Variants in CNTN5 observed in about 807,000 individuals in gnomAD.
CNTN5 encodes contactin-5.
Under a neutral mutation model 129.1 loss-of-function variants are expected in CNTN5, and 77 were observed. The ratio of observed to expected loss-of-function variants is 0.60; its 90% CI spans 0.50 to 0.72. The LOEUF is 0.72. CNTN5 is among the 30% of genes least tolerant of loss of function. The pLI is 0.00. For synonymous variants in CNTN5, 509 were observed against 465.6 expected (o/e 1.09, Z -1.20); for missense variants, 1,478 against 1,328.8 (o/e 1.11, Z -1.75).
At chr11:99,850,370 GC>G (rs1198203907) in intron 6 of CNTN5, among the ~76,000 whole-genome samples, 3 of 152,062 alleles carry the variant, frequency 2.0e-5, no homozygotes, top group Non-Finnish European at 2.9e-5. Flanking sequence ...CCTAGCTTTC[GC>G]AGAAAATGAT....
intron 3 of CNTN5, among the ~76,000 whole-genome samples, chr11:99,818,229 A>C (rs918914690): frequency 1.3e-5 from 2 of 151,908 alleles, no homozygotes; most frequent in African/African-American, 4.8e-5. Context: ...ATGATTATTA[A>C]GTTTAAAGGC....
intron 3 of CNTN5, among the ~76,000 whole-genome samples, chr11:99,733,167 T>C (rs1359304893): frequency 6.6e-6 from 1 of 151,070 alleles, no homozygotes; most frequent in Non-Finnish European, 1.5e-5. Flanking sequence ...CTACTAAGAA[T>C]ACAAAAAAAG....
chr11:99,303,339 G>A (rs994054311), intron 1 of CNTN5, among the ~76,000 whole-genome samples: 9 of 151,516 alleles, frequency 5.9e-5, no homozygotes, highest in African/African-American at 2.2e-4. Flanking sequence ...AACAGATAGT[G>A]TTACAATATA....
intron 9 of CNTN5, among the ~76,000 whole-genome samples, chr11:100,032,467 C>A (rs1001059898): frequency 6.6e-6 from 1 of 151,674 alleles, no homozygotes; most frequent in Non-Finnish European, 1.5e-5. Context: ...AAAGTGGTAT[C>A]TTCTTACATA....
rs192838781 is a variant in CNTN5, at chr11:99,119,488, G to A, written c.-210+98218G>A. On this transcript the variant is annotated intron_variant, in intron 1 of 24. Coordinates refer to ENST00000524871, the MANE Select transcript of CNTN5 (RefSeq NM_014361.4). ...CATGATCTCATTCTTGTTTGTAGCTGCATAGTATTCCATGATGTATATGTA... is the reference window on the plus strand; with the variant it reads ...CATGATCTCATTCTTGTTTGTAGCTACATAGTATTCCATGATGTATATGTA... 7.3e-4 allele frequency among the ~76,000 whole-genome samples: 111 copies of A among 152,158 alleles called. No individual in the cohort carries two copies. In the East Asian group the frequency reaches 0.015, roughly 21 times the overall value.
intron 1 of CNTN5, among the ~76,000 whole-genome samples, chr11:99,021,876 T>C (rs943851004): frequency 3.9e-5 from 6 of 152,182 alleles, no homozygotes; most frequent in Non-Finnish European, 8.8e-5. Flanking sequence ...ATCCTTACCA[T>C]GTTTTGTAGG....
At chr11:99,253,718 A>G (rs949523756) in intron 1 of CNTN5, among the ~76,000 whole-genome samples, 7 of 151,622 alleles carry the variant, frequency 4.6e-5, no homozygotes, top group Non-Finnish European at 7.4e-5. Flanking sequence ...AATTTTTATT[A>G]TACATATAAT....
At chr11:99,639,052 A>G (rs1312675020) in intron 3 of CNTN5, among the ~76,000 whole-genome samples, 2 of 152,176 alleles carry the variant, frequency 1.3e-5, no homozygotes, top group African/African-American at 4.8e-5. Flanking sequence ...TGTGCATCCA[A>G]GAGTTTCCAT....
intron 1 of CNTN5, among the ~76,000 whole-genome samples, chr11:99,110,753 T>A (rs1349523332): frequency 1.3e-5 from 2 of 152,134 alleles, no homozygotes; most frequent in Non-Finnish European, 2.9e-5. Context: ...CCATAAATGT[T>A]AATATCTCTA....
intron 2 of CNTN5, among the ~76,000 whole-genome samples, chr11:99,408,428 AAAAGAAAGAAAGAAAGAAAGAGAAAG>A (rs1456658877): frequency 0.022 from 2,041 of 93,518 alleles, 30 homozygotes; most frequent in Middle Eastern, 0.045. Flanking sequence ...GAAGGAAAGA[AAAAGAAAGAAAGAAAGAAAGAGAAAG>A]AAAGAAAGAA....
chr11:100,257,614 C>T (rs1950102828), intron 17 of CNTN5, among the ~76,000 whole-genome samples: 1 of 152,150 alleles, frequency 6.6e-6, no homozygotes, highest in Non-Finnish European at 1.5e-5. Context: ...CTTTGCTGTC[C>T]TGCACCCTCT....
intron 2 of CNTN5, among the ~76,000 whole-genome samples, chr11:99,372,096 A>C (rs1939862558): frequency 6.6e-6 from 1 of 152,262 alleles, no homozygotes. Context: ...AAACAAGCAC[A>C]GCCTTCCATG....
intron 1 of CNTN5, among the ~76,000 whole-genome samples, chr11:99,191,402 G>A (rs1190548782): frequency 1.3e-5 from 2 of 151,670 alleles, no homozygotes; most frequent in Admixed American, 1.3e-4. Context: ...GTTTGAGAGA[G>A]AGTGGTATTA....
At chr11:99,570,639 C>T (rs1949147269) in intron 3 of CNTN5, among the ~76,000 whole-genome samples, 1 of 152,074 alleles carries the variant, frequency 6.6e-6, no homozygotes, top group African/African-American at 2.4e-5. Flanking sequence ...GGTGCTAAGG[C>T]TATAGGAGTG....
intron 18 of CNTN5, among the ~76,000 whole-genome samples, chr11:100,275,768 A>G (rs907633501): frequency 1.3e-5 from 2 of 152,218 alleles, no homozygotes; most frequent in African/African-American, 4.8e-5. Flanking sequence ...AAAATGCACG[A>G]AGTACTCTCC....
intron 2 of CNTN5, among the ~76,000 whole-genome samples, chr11:99,525,420 G>T (rs1947447334): frequency 6.6e-6 from 1 of 152,162 alleles, no homozygotes; most frequent in African/African-American, 2.4e-5. Flanking sequence ...AGTACTTCTA[G>T]TGCACAGATG....
intron 17 of CNTN5, among the ~76,000 whole-genome samples, chr11:100,260,324 G>C (rs1390428245): frequency 6.6e-6 from 1 of 152,130 alleles, no homozygotes; most frequent in African/African-American, 2.4e-5. Flanking sequence ...ACCAAAAGAA[G>C]CCCAGGACCA....
chr11:100,120,911 T>C (rs2138161739), intron 13 of CNTN5, among the ~76,000 whole-genome samples: 1 of 152,152 alleles, frequency 6.6e-6, no homozygotes, highest in Middle Eastern at 3.4e-3. Flanking sequence ...TTCGATAGAC[T>C]ATCATTCAGC....
chr11:99,176,111 C>T (rs897517101), intron 1 of CNTN5, among the ~76,000 whole-genome samples: 9 of 152,122 alleles, frequency 5.9e-5, no homozygotes, highest in African/African-American at 2.2e-4. Context: ...ATACTTAGTC[C>T]TCATGTTCTT....
Sources: allele counts gnomAD v4.1 joint callset (sites outside exome capture counted in the v4.1 genomes callset), GRCh38; gene constraint gnomAD v4.1.1; transcripts MANE v1.5; gene names NCBI Gene and HGNC (gene_info 2026-07-23, HGNC 2026-07-21).